PALMD: variants seen among roughly 807,000 people sequenced by gnomAD.
The protein encoded by PALMD is palmdelphin.
PALMD carries 42 observed loss-of-function variants against 56.2 expected under a neutral mutation model. That is an observed-to-expected ratio of 0.75 (90% confidence interval 0.58 to 0.97). The LOEUF is 0.97. Among genes scored for constraint, PALMD ranks in the 50% least tolerant of loss-of-function variants. The pLI is 0.00. For missense variants in PALMD, 660 were observed against 643.8 expected, an observed-to-expected ratio of 1.03 and a Z score of -0.27; for synonymous variants, 242 against 222.9, an observed-to-expected ratio of 1.09 and a Z score of -0.76.
intron 1 of PALMD, among the ~76,000 whole-genome samples, chr1:99,657,208 C>T (rs1346667782): frequency 6.6e-6 from 1 of 152,212 alleles, no homozygotes; most frequent in East Asian, 1.9e-4. Context: ...CTCCATCCAA[C>T]ATTCCAACTG....
chr1:99,658,401 A>T (rs1048804920), intron 1 of PALMD, among the ~76,000 whole-genome samples: 1 of 152,068 alleles, frequency 6.6e-6, no homozygotes, highest in Non-Finnish European at 1.5e-5. Context: ...TAGCCAAGGT[A>T]GGAGGATTGC....
In PALMD at chr1:99,687,177, C is replaced by T; in HGVS notation, c.502C>T (p.Gln168Ter). ...AAATGAAGAAAAAGAAGATGATGAA[C>T]AAAATAGGAAAGGTATATGAGAAAT... ...EINEEKEDDE[Q>*]NRKALYAMEI... Residue 168 changes from glutamine to a stop codon, truncating the protein, a stop_gained, in exon 6 of 8, where the codon CAA becomes TAA. Coordinates refer to ENST00000263174, the MANE Select transcript of PALMD (RefSeq NM_017734.5). LOFTEE classifies it high-confidence loss of function. 6.2e-7 allele frequency: 1 copy of T among 1,601,718 alleles called. No individual in the cohort carries two copies. Among genetic ancestry groups the T allele is most frequent in the Non-Finnish European group, 8.5e-7 (1 of 1,172,348 alleles).
intron 3 of PALMD, among the ~76,000 whole-genome samples, chr1:99,670,887 TA>T (rs200736349): frequency 2.0e-5 from 3 of 151,520 alleles, no homozygotes; most frequent in Non-Finnish European, 4.4e-5. Context: ...GTAAAGCTGC[TA>T]AAAAAAACAA....
In PALMD at chr1:99,688,939, G is replaced by A; in HGVS notation, c.679G>A (p.Ala227Thr). ...VYAVSSNHSA[A>T]YNGTDGLAPV... is the part of the protein sequence containing the mutation. The stretch of plus-strand genomic sequence containing the variant: ...TGCAGTAAGTTCTAATCACAGTGCA[G>A]CATACAATGGCACCGATGGCCTGGC... Residue 227 changes from alanine (A) to threonine (T), a missense_variant, in exon 7 of 8, where the codon GCA becomes ACA. By Grantham distance (58) the Ala-to-Thr change is moderately conservative. Coordinates refer to ENST00000263174, the MANE Select transcript of PALMD (RefSeq NM_017734.5). 2 of 1,613,558 alleles carry A rather than the reference G, an allele frequency of 1.2e-6. No homozygotes were observed. Among genetic ancestry groups the A allele is most frequent in the Non-Finnish European group, 1.7e-6 (2 of 1,179,606 alleles).
intron 3 of PALMD, among the ~76,000 whole-genome samples, chr1:99,671,893 T>C (rs1653097010): frequency 6.6e-6 from 1 of 152,194 alleles, no homozygotes; most frequent in Admixed American, 6.6e-5. Flanking sequence ...AGCCAGGATT[T>C]AAAACCTAAT....
rs1652444129 is a variant in PALMD, at chr1:99,646,340, A to G, written c.23A>G (p.Lys8Arg). 6.2e-7 allele frequency: 1 copy of G among 1,613,108 alleles called. No homozygotes were observed. Among genetic ancestry groups the G allele is most frequent in the African/African-American group, 1.3e-5 (1 of 74,924 alleles). The change falls in exon 1 of 8, where the codon AAG (lysine) becomes AGG (arginine). Residue 8 changes from lysine (K) to arginine (R), a missense_variant. By Grantham distance (26) the Lys-to-Arg change is conservative. Transcript: ENST00000263174. ...AGAATGGAAGAAGCTGAGCTGGTGA[A>G]GGGAAGACTCCAGGCCATCACAGTA... MEEAELV[K>R]GRLQAITDKR...
chr1:99,692,439 T>TA (rs1653670077), intron 7 of PALMD, among the ~76,000 whole-genome samples: 1 of 151,916 alleles, frequency 6.6e-6, no homozygotes, highest in Non-Finnish European at 1.5e-5. Context: ...AAAATAGAAG[T>TA]AAAAAAGAGA....
chr1:99,666,757 T>C (rs1652970688), intron 2 of PALMD, among the ~76,000 whole-genome samples: 1 of 152,206 alleles, frequency 6.6e-6, no homozygotes, highest in Admixed American at 6.5e-5. Flanking sequence ...ATACATCTGA[T>C]GCTTCCCACT....
At chr1:99,666,796 C>T (rs1309136992) in intron 2 of PALMD, among the ~76,000 whole-genome samples, 2 of 152,158 alleles carry the variant, frequency 1.3e-5, no homozygotes. Flanking sequence ...CTAATTAAAG[C>T]CCATCCAAAA....
At chr1:99,691,343 T>A (rs1308108267) in intron 7 of PALMD, among the ~76,000 whole-genome samples, 1 of 152,110 alleles carries the variant, frequency 6.6e-6, no homozygotes, top group Non-Finnish European at 1.5e-5. Context: ...TCTAACCTTG[T>A]CAACACATTT....
At chr1:99,667,880 T>TTA in intron 3 of PALMD, 114 bp downstream of exon 3, 2 of 1,057,294 alleles carry the variant, frequency 1.9e-6, no homozygotes, top group Non-Finnish European at 2.8e-6. Context: ...CCATTTGAAT[T>TTA]TCTTTTTTTT....
intron 3 of PALMD, among the ~76,000 whole-genome samples, chr1:99,678,341 G>T (rs187919275): frequency 2.6e-5 from 4 of 152,120 alleles, no homozygotes; most frequent in Admixed American, 2.6e-4. Context: ...CTGATCTCAA[G>T]TTATCCACTC....
chr1:99,687,537 A>G (rs909341004), intron 6 of PALMD, among the ~76,000 whole-genome samples: 1 of 152,198 alleles, frequency 6.6e-6, no homozygotes, highest in Non-Finnish European at 1.5e-5. Flanking sequence ...TTTTTTGAAA[A>G]TGAAAATATT....
chr1:99,666,498 C>T (rs1652962058), intron 2 of PALMD, among the ~76,000 whole-genome samples: 1 of 151,956 alleles, frequency 6.6e-6, no homozygotes, highest in South Asian at 2.1e-4. Context: ...CTTAAAAAAA[C>T]ACACCCACAC....
chr1:99,678,921 A>G (rs1258350397), intron 3 of PALMD, among the ~76,000 whole-genome samples: 1 of 151,974 alleles, frequency 6.6e-6, no homozygotes, highest in Non-Finnish European at 1.5e-5. Context: ...TCTTGAGCCC[A>G]GGAGTTAAAG....
intron 3 of PALMD, among the ~76,000 whole-genome samples, chr1:99,680,920 T>C (rs1013730062): frequency 3.3e-5 from 5 of 151,994 alleles, no homozygotes; most frequent in Non-Finnish European, 7.4e-5. Context: ...CTGTCCTTTT[T>C]TCCAAGACAA....
chr1:99,660,005 C>G (rs1042595487), intron 1 of PALMD, among the ~76,000 whole-genome samples: 3 of 152,200 alleles, frequency 2.0e-5, no homozygotes, highest in Non-Finnish European at 2.9e-5. Context: ...GCAAACCAGC[C>G]CAAACTGGCA....
At chr1:99,683,003 CTCCAAAAAGAAAGAAGGAAAGAAAGAAA>C (rs1308921133) in intron 3 of PALMD, among the ~76,000 whole-genome samples, 7 of 131,214 alleles carry the variant, frequency 5.3e-5, no homozygotes, top group African/African-American at 2.3e-4. Flanking sequence ...AAGACTCTGT[CTCCAAAAAGAAAGAAGGAAAGAAAGAAA>C]GAAAGAAAGA....
At chr1:99,661,235 A>C (rs555650410) in intron 1 of PALMD, among the ~76,000 whole-genome samples, 36 of 152,324 alleles carry the variant, frequency 2.4e-4, no homozygotes, top group Non-Finnish European at 3.1e-4. Context: ...ACTTATGAAT[A>C]AGATGGAGAA....
Sources: gnomAD v4.1 joint callset for allele counts (sites outside exome capture counted in the v4.1 genomes callset) on GRCh38, gnomAD v4.1.1 for gene constraint, MANE v1.5 for transcripts, NCBI Gene and HGNC (gene_info 2026-07-23, HGNC 2026-07-21) for gene names.